Variants in CSGALNACT1 observed in about 807,000 individuals in gnomAD.
CSGALNACT1 encodes the protein beta4GalNAcT-1.
CSGALNACT1 carries 52 observed loss-of-function variants against 51.0 expected under a neutral mutation model. The observed-to-expected ratio is 1.02, with a 90% CI of 0.82 to 1.29. The LOEUF (loss-of-function observed/expected upper bound fraction) is 1.29, where lower values mean the gene tolerates loss of function less well. Ranked by LOEUF, CSGALNACT1 falls within the 50% of genes most tolerant of loss-of-function variation. The pLI is 0.00. For missense variants in CSGALNACT1, 935 were observed against 679.2 expected (o/e 1.38, Z -4.19); for synonymous variants, 341 against 254.4 (o/e 1.34, Z -3.24).
chr8:19,453,212 A>T (rs1316208666), intron 5 of CSGALNACT1, among the ~76,000 whole-genome samples: 3 of 152,236 alleles, frequency 2.0e-5, no homozygotes, highest in African/African-American at 7.2e-5. Flanking sequence ...CATGTTTCAC[A>T]CTTTATTAAC....
rs182378636 is a variant in CSGALNACT1 at position 19,406,880 on chromosome 8, T to C, written c.1310-811A>G. On this transcript the variant is annotated intron_variant, in intron 9 of 9. Transcript: ENST00000454498. ...CATGTCACCATGCCTGGGTAACTTT[T>C]GTGTTTTTAGTAGAGACGGGGTTTC... is the stretch of plus-strand genomic sequence containing the variant. Among the ~76,000 whole-genome samples, 63 of 152,330 alleles carry C rather than the reference T, an allele frequency of 4.1e-4. No homozygotes were observed. In the East Asian group the frequency reaches 0.011, roughly 27 times the overall value.
chr8:19,558,365 T>C (rs945780492), intron 3 of CSGALNACT1, among the ~76,000 whole-genome samples: 2 of 152,228 alleles, frequency 1.3e-5, no homozygotes, highest in Non-Finnish European at 2.9e-5. Flanking sequence ...TCTTCATGGC[T>C]GGAACTTGGC....
chr8:19,649,819 CAAAAAAAA>C (rs57549612), intron 1 of CSGALNACT1, among the ~76,000 whole-genome samples: 17 of 29,414 alleles, frequency 5.8e-4, no homozygotes, highest in East Asian at 4.5e-3. Flanking sequence ...TTCCAAGTAG[CAAAAAAAA>C]AAAAAAAAAA....
intron 4 of CSGALNACT1, 105 bp downstream of exon 3, chr8:19,505,096 C>T (rs2077051390): frequency 7.8e-7 from 1 of 1,276,548 alleles, no homozygotes; most frequent in African/African-American, 1.5e-5. Flanking sequence ...TTCCGCCAGC[C>T]ATCCCAGAGC....
intron 1 of CSGALNACT1, among the ~76,000 whole-genome samples, chr8:19,648,148 C>T (rs1222815871): frequency 6.6e-6 from 1 of 152,216 alleles, no homozygotes. Context: ...AAACAGCTCA[C>T]TAGACCACTT....
At chr8:19,619,379 G>C (rs902685562) in intron 1 of CSGALNACT1, among the ~76,000 whole-genome samples, 4 of 152,098 alleles carry the variant, frequency 2.6e-5, no homozygotes, top group East Asian at 3.9e-4. Context: ...GTCTATAGAG[G>C]AGGCTGGGAA....
chr8:19,550,188 G>A (rs1027281044), intron 3 of CSGALNACT1, among the ~76,000 whole-genome samples: 2 of 152,036 alleles, frequency 1.3e-5, no homozygotes, highest in Non-Finnish European at 2.9e-5. Flanking sequence ...GTCTTGTTGT[G>A]TTGCCCAGGC....
At chr8:19,663,708 T>C (rs958478797) in intron 1 of CSGALNACT1, among the ~76,000 whole-genome samples, 2 of 152,234 alleles carry the variant, frequency 1.3e-5, no homozygotes, top group African/African-American at 4.8e-5. Context: ...GACAAATGTA[T>C]TACCTGGAAT....
chr8:19,454,269 C>T (rs926925451), intron 5 of CSGALNACT1, among the ~76,000 whole-genome samples: 1 of 152,208 alleles, frequency 6.6e-6, no homozygotes, highest in Admixed American at 6.5e-5. Flanking sequence ...GAATGGAAAG[C>T]TATTGGAAGA....
intron 1 of CSGALNACT1, among the ~76,000 whole-genome samples, chr8:19,666,801 A>AAGAAAGAAAGAG (rs1266664148): frequency 4.6e-5 from 1 of 21,760 alleles, no homozygotes; most frequent in Non-Finnish European, 7.8e-5. Flanking sequence ...GAAAGAAAGA[A>AAGAAAGAAAGAG]AGAAAGAAAG....
chr8:19,653,700 G>A (rs572579923), intron 1 of CSGALNACT1, among the ~76,000 whole-genome samples: 12 of 152,194 alleles, frequency 7.9e-5, no homozygotes, highest in South Asian at 2.1e-4. Context: ...AGGCTGAGGC[G>A]GAGGGATTGC....
chr8:19,567,733 G>C (rs1215666979), intron 3 of CSGALNACT1, among the ~76,000 whole-genome samples: 1 of 151,990 alleles, frequency 6.6e-6, no homozygotes, highest in East Asian at 1.9e-4. Context: ...GTAGAAAATA[G>C]GAAAAATCCA....
upstream of CSGALNACT1, among the ~76,000 whole-genome samples, chr8:19,605,047 C>T (rs2051177390): frequency 6.6e-6 from 1 of 152,132 alleles, no homozygotes; most frequent in Admixed American, 6.5e-5. Flanking sequence ...ACCCTGATCC[C>T]CTATAATTCC....
At chr8:19,628,653 C>CTT (rs374535722) in intron 1 of CSGALNACT1, among the ~76,000 whole-genome samples, 9 of 146,568 alleles carry the variant, frequency 6.1e-5, no homozygotes, top group African/African-American at 2.0e-4. Flanking sequence ...AATCAATAGG[C>CTT]TTTTTTTTTT....
chr8:19,601,598 G>C (rs563360838), intron 2 of CSGALNACT1, among the ~76,000 whole-genome samples, 173 bp downstream of exon 2: 1 of 152,206 alleles, frequency 6.6e-6, no homozygotes, highest in Non-Finnish European at 1.5e-5. Context: ...ATTCAATGGA[G>C]CCAAGTAATT....
At chr8:19,504,196 C>T (rs2076900958) in intron 4 of CSGALNACT1, among the ~76,000 whole-genome samples, 1 of 152,204 alleles carries the variant, frequency 6.6e-6, no homozygotes, top group East Asian at 1.9e-4. Context: ...CCTGCCTCAG[C>T]CTCCCAAGTA....
At position 19,544,806 on chromosome 8, in the gene CSGALNACT1, G is replaced by T. The variant is rs572330572; in HGVS notation, c.-296-38676C>A. ...GGTCCAATTTTCATTTATCTTGCTG[G>T]AAAAATACAGACATCATCATTCTCC... On this transcript the variant is annotated intron_variant, in intron 3 of 9. Coordinates refer to ENST00000454498, the Ensembl canonical transcript of CSGALNACT1. Among the ~76,000 whole-genome samples the T allele has an allele frequency of 4.6e-5, 7 of 152,140 alleles. No homozygotes were observed. In the South Asian group the frequency reaches 1.5e-3, roughly 32 times the overall value.
At chr8:19,597,105 T>C (rs1293770272) in intron 2 of CSGALNACT1, among the ~76,000 whole-genome samples, 1 of 152,140 alleles carries the variant, frequency 6.6e-6, no homozygotes, top group Admixed American at 6.6e-5. Flanking sequence ...TTTGTCATAC[T>C]GCGACTGGCT....
At chr8:19,649,539 G>T (rs1193338673) in intron 1 of CSGALNACT1, among the ~76,000 whole-genome samples, 1 of 152,008 alleles carries the variant, frequency 6.6e-6, no homozygotes, top group Non-Finnish European at 1.5e-5. Context: ...GTGTTTACTT[G>T]TGTAATTAAT....
Sources: gnomAD v4.1 joint callset for allele counts (sites outside exome capture counted in the v4.1 genomes callset) on GRCh38, gnomAD v4.1.1 for gene constraint, MANE v1.5 for transcripts, NCBI Gene and HGNC (gene_info 2026-07-23, HGNC 2026-07-21) for gene names.